FAM83A: variants seen among roughly 807,000 people sequenced by gnomAD.
The protein encoded by FAM83A is protein FAM83A.
FAM83A carries 21 observed loss-of-function variants against 24.4 expected under a neutral mutation model. The ratio of observed to expected loss-of-function variants is 0.86; its 90% CI spans 0.61 to 1.24. The LOEUF (loss-of-function observed/expected upper bound fraction) is 1.24, where lower values mean the gene tolerates loss of function less well. FAM83A is among the 50% of genes most tolerant of loss of function. The pLI is 0.00. For synonymous variants in FAM83A, 270 were observed against 252.4 expected, an observed-to-expected ratio of 1.07 and a Z score of -0.66; for missense variants, 617 against 579.8, an observed-to-expected ratio of 1.06 and a Z score of -0.66.
intron 2 of FAM83A, among the ~76,000 whole-genome samples, chr8:123,193,545 C>T (rs1190304982): frequency 6.6e-6 from 1 of 152,206 alleles, no homozygotes; most frequent in East Asian, 1.9e-4. Context: ...TCCCACCAAC[C>T]AGAGATAACA....
exon 1 of FAM83A, chr8:123,182,818 C>G: frequency 6.6e-7 from 1 of 1,510,678 alleles, no homozygotes; most frequent in Non-Finnish European, 8.9e-7. Context: ...GAGGAGCTGA[C>G]GTGCCAGCCT....
exon 4 of FAM83A, chr8:123,207,162 C>A (rs760495296): frequency 4.1e-6 from 6 of 1,449,474 alleles, no homozygotes; most frequent in Non-Finnish European, 5.6e-6. Flanking sequence ...TCCAGCTTCA[C>A]CTGGCTCTGC....
chr8:123,183,980 G>A (rs1823710896), intron 1 of FAM83A, among the ~76,000 whole-genome samples: 2 of 152,090 alleles, frequency 1.3e-5, no homozygotes, highest in South Asian at 4.1e-4. Flanking sequence ...ACAGGTGTGA[G>A]CCCCAGTGCC....
At chr8:123,182,182 G>A (rs1823613966), upstream of FAM83A, 1 of 450,242 alleles carries the variant, frequency 2.2e-6, no homozygotes, top group South Asian at 1.6e-5. Context: ...AAACACTTGA[G>A]AGGGCATGGG....
chr8:123,185,170 G>C (rs1245937986), intron 1 of FAM83A, among the ~76,000 whole-genome samples: 1 of 152,200 alleles, frequency 6.6e-6, no homozygotes, highest in African/African-American at 2.4e-5. Flanking sequence ...GCCCGGCGCT[G>C]GCTGTATCCC....
chr8:123,194,177 G>T, intron 3 of FAM83A, 29 bp downstream of exon 3: 2 of 1,612,580 alleles, frequency 1.2e-6, no homozygotes, highest in Middle Eastern at 3.7e-4. Context: ...TCCTGTCAAG[G>T]ATTCATGGAG....
intron 2 of FAM83A, among the ~76,000 whole-genome samples, chr8:123,193,185 A>T (rs184626085): frequency 2.4e-3 from 361 of 152,302 alleles, no homozygotes; most frequent in African/African-American, 8.3e-3. Context: ...GAGCCATGGT[A>T]GGGTTGCAGA....
chr8:123,185,765 A>G (rs1410984549), intron 1 of FAM83A, among the ~76,000 whole-genome samples: 2 of 152,136 alleles, frequency 1.3e-5, no homozygotes, highest in Non-Finnish European at 1.5e-5. Context: ...CTCTATTAAT[A>G]ATAAAGAACT....
upstream of FAM83A, chr8:123,180,806 C>T (rs1438446089): frequency 6.6e-6 from 1 of 151,726 alleles, no homozygotes; most frequent in Non-Finnish European, 1.5e-5. Flanking sequence ...GATTTGTCCT[C>T]TTTGACCTCC....
At chr8:123,194,674 G>A (rs1204187483) in intron 3 of FAM83A, among the ~76,000 whole-genome samples, 1 of 152,156 alleles carries the variant, frequency 6.6e-6, no homozygotes, top group African/African-American at 2.4e-5. Flanking sequence ...AGTAGAGACG[G>A]GGTTTCATCA....
At chr8:123,195,879 A>T (rs1456598503) in intron 3 of FAM83A, among the ~76,000 whole-genome samples, 1 of 152,250 alleles carries the variant, frequency 6.6e-6, no homozygotes, top group Non-Finnish European at 1.5e-5. Context: ...CACATTGGGG[A>T]TTAGGATTTC....
At chr8:123,205,162 C>T (rs1038568764) in intron 3 of FAM83A, among the ~76,000 whole-genome samples, 3 of 152,156 alleles carry the variant, frequency 2.0e-5, no homozygotes, top group East Asian at 1.9e-4. Flanking sequence ...ATGAGATGCG[C>T]GGGTGTGCAG....
intron 3 of FAM83A, among the ~76,000 whole-genome samples, chr8:123,194,514 C>T (rs1351739908): frequency 1.4e-5 from 2 of 147,162 alleles, no homozygotes; most frequent in African/African-American, 2.5e-5. Context: ...GATGGAGTCT[C>T]GCCCTGTCAC....
At chr8:123,202,645 A>G (rs1391730683) in intron 3 of FAM83A, 1 of 152,656 alleles carries the variant, frequency 6.6e-6, no homozygotes, top group Admixed American at 6.5e-5. Flanking sequence ...ATAAAAGCAC[A>G]TTGGGTTCTG....
rs143005376 is a variant in FAM83A at position 123,194,594 on chromosome 8, C to T, written c.773+446C>T. Among the ~76,000 whole-genome samples the T allele has an allele frequency of 2.2e-3, 338 of 151,896 alleles. 2 individuals carry two copies. The highest frequency in any genetic ancestry group is 7.8e-3 in the African/African-American group (324 of 41,424). On this transcript the variant is annotated intron_variant, in intron 3 of 3. Transcript: ENST00000690554. ...CGCCTCCAGGATTCAAGAGATTCTC[C>T]TCCCTCAGCCCCCCAAGTAGCTGGG...
At chr8:123,191,881 G>A (rs1006489166) in exon 2 of FAM83A, 1 of 1,614,198 alleles carries the variant, frequency 6.2e-7, no homozygotes, top group Admixed American at 1.7e-5. Context: ...CAAGCGTGGG[G>A]TGTTCGTTTG....
intron 3 of FAM83A, among the ~76,000 whole-genome samples, chr8:123,203,957 C>CAAAA (rs1340124620): frequency 2.0e-5 from 1 of 50,614 alleles, no homozygotes; most frequent in Non-Finnish European, 5.2e-5. Context: ...AACTCCAACT[C>CAAAA]AAAAAAAAAA....
chr8:123,186,716 G>T (rs1422926701), intron 1 of FAM83A, among the ~76,000 whole-genome samples: 15 of 152,142 alleles, frequency 9.9e-5, no homozygotes, highest in Admixed American at 9.8e-4. Flanking sequence ...TGTAATCCCA[G>T]CTACTCAGGA....
chr8:123,182,123 T>C (rs773432857), upstream of FAM83A: 14 of 456,108 alleles, frequency 3.1e-5, no homozygotes, highest in African/African-American at 6.0e-5. Flanking sequence ...CGAGGAAGCG[T>C]TGGCCTGAGA....
Sources: allele counts gnomAD v4.1 joint callset (sites outside exome capture counted in the v4.1 genomes callset), GRCh38; gene constraint gnomAD v4.1.1; transcripts MANE v1.5; gene names NCBI Gene and HGNC (gene_info 2026-07-23, HGNC 2026-07-21).